The following TESPA1 variants were observed in gnomAD, a reference collection of about 807,000 sequenced individuals.
TESPA1 encodes the protein protein TESPA1.
A neutral mutation model predicts 57.9 loss-of-function variants in TESPA1; 33 were observed. The observed-to-expected ratio is 0.57, with a 90% CI of 0.43 to 0.76. The LOEUF is 0.76. Among genes scored for constraint, TESPA1 ranks in the 30% least tolerant of loss-of-function variants. The probability of loss-of-function intolerance (pLI) is 0.00; values close to 1 mark genes in which losing one functional copy is unlikely to be tolerated. For synonymous variants in TESPA1, 227 were observed against 228.9 expected, an observed-to-expected ratio of 0.99 and a Z score of 0.07; for missense variants, 618 against 632.9, an observed-to-expected ratio of 0.98 and a Z score of 0.25.
rs1473342481 is a variant in TESPA1 at position 54,949,407 on chromosome 12, C to T, written c.*985G>A. The T allele has an allele frequency of 1.4e-5, 2 of 144,450 alleles. No individual in the cohort carries two copies. Among genetic ancestry groups the T allele is most frequent in the Admixed American group, 6.9e-5 (1 of 14,470 alleles). The allele number at this position is 144,450 out of a possible 1,614,324, so 8.9% of individuals were successfully genotyped here. On this transcript the variant is annotated 3_prime_UTR_variant, in exon 11 of 11. Coordinates refer to ENST00000449076, the MANE Select transcript of TESPA1 (RefSeq NM_001136030.3). ...TTTTTTTTTTTTTTCTTTTGTCTCA[C>T]AATTTATTAGGCAGCCAAATAATAT...
At chr12:54,965,520 C>T (rs187458686) in intron 7 of TESPA1, among the ~76,000 whole-genome samples, 7 of 152,258 alleles carry the variant, frequency 4.6e-5, no homozygotes, top group Admixed American at 1.3e-4. Context: ...GCAAAGGACA[C>T]GAACGCGTTC....
intron 10 of TESPA1, among the ~76,000 whole-genome samples, chr12:54,957,069 C>T (rs566674501): frequency 1.3e-5 from 2 of 152,234 alleles, no homozygotes; most frequent in South Asian, 2.1e-4. Context: ...CACAGCAGTG[C>T]CCTTGTGCTA....
rs1257230882 is a variant in TESPA1 at position 54,961,286 on chromosome 12, A to T, written c.1468-19T>A. The T allele has an allele frequency of 6.2e-7, 1 of 1,613,630 alleles. No homozygotes were observed. Among genetic ancestry groups the T allele is most frequent in the African/African-American group, 1.3e-5 (1 of 74,902 alleles). ...TTTGCACCTGTAACCAAGATCCCAC[A>T]GAACTCAGCCAGAGCCAAGGGGGAA... On this transcript the variant is annotated intron_variant, in intron 9 of 10. Coordinates refer to ENST00000449076, the MANE Select transcript of TESPA1 (RefSeq NM_001136030.3).
chr12:54,959,754 G>A (rs1253470498), intron 10 of TESPA1, among the ~76,000 whole-genome samples: 5 of 152,202 alleles, frequency 3.3e-5, no homozygotes. Context: ...TAATTTTTCA[G>A]TCTGTTCAGG....
Position 54,968,337 on chromosome 12 carries a change from C to T in TESPA1, c.207-445G>A, listed in dbSNP as rs530662346. Among the ~76,000 whole-genome samples the T allele has an allele frequency of 1.8e-3, 267 of 152,348 alleles. 2 individuals are homozygous for T. The highest frequency in any genetic ancestry group is 6.3e-3 in the African/African-American group (260 of 41,584). ...CTTAACTACCCACACTTCCTTCCTT[C>T]TCTCTGAACCATGTTATTGCTGAAT... On this transcript the variant is annotated intron_variant, in intron 3 of 10. Coordinates refer to ENST00000449076, the MANE Select transcript of TESPA1 (RefSeq NM_001136030.3).
chr12:54,966,407 T>A lies in TESPA1; in HGVS notation c.328A>T (p.Asn110Tyr), dbSNP rs139412167. The A allele has an allele frequency of 6.2e-7, 1 of 1,613,742 alleles. No homozygotes were observed. The highest frequency in any genetic ancestry group is 1.1e-5 in the South Asian group (1 of 91,042). Residue 110 changes from asparagine to tyrosine, a missense_variant, in exon 6 of 11, where the codon AAT (asparagine) becomes TAT (tyrosine). Physicochemically the swap from Asn to Tyr is moderately radical, Grantham distance 143. Transcript: ENST00000449076. ...ACTTACCTGGAGAAGAGTTTGCCATTGGCGGCCAGTAGTGTGGCTGGACAA... is the reference window on the plus strand; with the variant it reads ...ACTTACCTGGAGAAGAGTTTGCCATAGGCGGCCAGTAGTGTGGCTGGACAA... ...LGAEATLLAA[N>Y]GKLFSRSFLE...
Position 54,962,736 on chromosome 12 carries a change from C to T in TESPA1, c.1162G>A (p.Val388Ile), listed in dbSNP as rs779921106. 14 of 1,613,832 alleles carry T rather than the reference C, an allele frequency of 8.7e-6. No homozygotes were observed. Among genetic ancestry groups the T allele is most frequent in the Non-Finnish European group, 1.1e-5 (13 of 1,179,874 alleles). ...GGCAGAGAATGTGTGCAACAGGGTA[C>T]CTTGGGGTTCGAATCCAGAGTTTGG... ...PSQTLDSNPK[V>I]PCCTHSLPIE... The change falls in exon 9 of 11, where the codon GTA (valine) becomes ATA (isoleucine). Residue 388 changes from valine to isoleucine, a missense_variant. Physicochemically the swap from Val to Ile is conservative, Grantham distance 29 (BLOSUM62 3). Transcript: ENST00000449076.
chr12:54,971,942 A>G (rs1951858033), intron 3 of TESPA1, among the ~76,000 whole-genome samples: 1 of 152,220 alleles, frequency 6.6e-6, no homozygotes, highest in Non-Finnish European at 1.5e-5. Context: ...CCTTTATAAA[A>G]CTCACCAGTC....
intron 3 of TESPA1, among the ~76,000 whole-genome samples, chr12:54,969,422 C>A (rs1390981970): frequency 6.6e-6 from 1 of 151,996 alleles, no homozygotes; most frequent in Non-Finnish European, 1.5e-5. Flanking sequence ...GTTGTAGCTG[C>A]ACAGTAGTGC....
intron 10 of TESPA1, among the ~76,000 whole-genome samples, chr12:54,952,155 G>A (rs963784073): frequency 6.6e-6 from 1 of 152,188 alleles, no homozygotes; most frequent in Non-Finnish European, 1.5e-5. Context: ...AGGGAGACCT[G>A]AGATGGCATG....
At chr12:54,964,641 T>C (rs1391438720) in intron 7 of TESPA1, among the ~76,000 whole-genome samples, 1 of 152,234 alleles carries the variant, frequency 6.6e-6, no homozygotes, top group Non-Finnish European at 1.5e-5. Context: ...AAGCTGTTAT[T>C]ATTTGAGGCT....
chr12:54,952,844 T>TAAA (rs1206040031), intron 10 of TESPA1, among the ~76,000 whole-genome samples: 7 of 152,266 alleles, frequency 4.6e-5, no homozygotes, highest in African/African-American at 1.4e-4. Flanking sequence ...ATTCCTATTT[T>TAAA]TACTTCATTC....
intron 3 of TESPA1, among the ~76,000 whole-genome samples, chr12:54,969,013 TTATATATGTATATATATA>T (rs1386698420): frequency 1.3e-5 from 1 of 76,704 alleles, no homozygotes; most frequent in Non-Finnish European, 2.1e-5. Context: ...CACTACATAT[TTATATATGTATATATATA>T]TATATATATA....
At chr12:54,959,970 C>T (rs1419103295) in intron 10 of TESPA1, among the ~76,000 whole-genome samples, 2 of 152,042 alleles carry the variant, frequency 1.3e-5, no homozygotes, top group African/African-American at 4.8e-5. Context: ...TGATTAGATT[C>T]CTAAAACCAC....
At chr12:54,963,660 G>A (rs1419482201) in intron 8 of TESPA1, 82 bp downstream of exon 8, 9 of 1,438,288 alleles carry the variant, frequency 6.3e-6, no homozygotes, top group South Asian at 1.3e-5. Context: ...CCAAGAGAAA[G>A]CAGGATTTGA....
chr12:54,951,772 A>T (rs1950408094), intron 10 of TESPA1, among the ~76,000 whole-genome samples: 1 of 138,350 alleles, frequency 7.2e-6, no homozygotes, highest in Non-Finnish European at 1.5e-5. Context: ...TTCTATTTGC[A>T]ACCTTTTTCT....
chr12:54,979,059 T>G (rs1952224998), intron 1 of TESPA1, among the ~76,000 whole-genome samples: 1 of 152,228 alleles, frequency 6.6e-6, no homozygotes, highest in African/African-American at 2.4e-5. Context: ...ACTGTCCTCA[T>G]GGCCTTGGAT....
chr12:54,954,260 C>A (rs774316460), intron 10 of TESPA1, among the ~76,000 whole-genome samples: 7 of 152,218 alleles, frequency 4.6e-5, no homozygotes, highest in Non-Finnish European at 5.9e-5. Context: ...CTGACACTAA[C>A]TAGTTGCATG....
intron 1 of TESPA1, among the ~76,000 whole-genome samples, chr12:54,976,142 C>T (rs116353374): frequency 0.016 from 2,447 of 152,222 alleles, 55 homozygotes; most frequent in African/African-American, 0.055. Flanking sequence ...ATTCTTTGGT[C>T]AGAGCTGTCG....
Sources: gnomAD v4.1 joint callset for allele counts (sites outside exome capture counted in the v4.1 genomes callset) on GRCh38, gnomAD v4.1.1 for gene constraint, MANE v1.5 for transcripts, NCBI Gene and HGNC (gene_info 2026-07-23, HGNC 2026-07-21) for gene names.